ANKRD36B: variants seen among roughly 807,000 people sequenced by gnomAD.
ANKRD36B encodes ankyrin repeat domain 36B, also known as ankyrin repeat domain-containing protein 36B.
In ANKRD36B, 37 loss-of-function variants were observed where a neutral mutation model predicts 135.7. The ratio of observed to expected loss-of-function variants is 0.27; its 90% CI spans 0.21 to 0.36. The LOEUF (loss-of-function observed/expected upper bound fraction) is 0.36. Ranked by LOEUF, ANKRD36B falls within the 10% of genes least tolerant of loss-of-function variation. ANKRD36B has a pLI of 1.00. For synonymous variants in ANKRD36B, 179 were observed against 348.1 expected (o/e 0.51, Z 5.41); for missense variants, 549 against 1,037.1 (o/e 0.53, Z 6.46).
intron 35 of ANKRD36B, among the ~76,000 whole-genome samples, chr2:97,527,671 A>G (rs2078295058): frequency 1.0e-5 from 1 of 96,022 alleles, no homozygotes; most frequent in South Asian, 2.4e-4. Context: ...TCTCACATGC[A>G]GAGACACACA....
rs574440722 is a variant in ANKRD36B at position 97,558,857 on chromosome 2, C to G, written c.909G>C (p.Glu303Asp). The change falls in exon 10 of 44, where the codon GAG (glutamate) becomes GAC (aspartate). Residue 303 changes from glutamate (E) to aspartate (D), a missense_variant. Glu to Asp is a conservative substitution (Grantham distance 45, BLOSUM62 2). Coordinates refer to ENST00000359901, the MANE Select transcript of ANKRD36B (RefSeq NM_001393939.1). ...KQPAEKATSD[E>D]KDSVSNIATE... ...TGGCTATATTTGAAACAGAATCTTT[C>G]TCGTCACTTGTAGCCTGAATGGGAT... 16 of 1,611,250 alleles carry G rather than the reference C, an allele frequency of 9.9e-6. No individual in the cohort carries two copies. The highest frequency in any genetic ancestry group is 6.7e-5 in the East Asian group (3 of 44,818).
At chr2:97,547,954 T>A (rs914484373) in intron 20 of ANKRD36B, among the ~76,000 whole-genome samples, 1 of 151,780 alleles carries the variant, frequency 6.6e-6, no homozygotes, top group African/African-American at 2.4e-5. Flanking sequence ...CAGGGTATGA[T>A]TTGTTATATG....
chr2:97,515,006 T>C lies in ANKRD36B; in HGVS notation c.2621+726A>G, dbSNP rs1823322. ...GCAACCTCTGCCTCCCAGTTTCATGTGATTCTCCTGCCTCAGCCTCCTGCG... is the reference window on the plus strand; with the variant it reads ...GCAACCTCTGCCTCCCAGTTTCATGCGATTCTCCTGCCTCAGCCTCCTGCG... On this transcript the variant is annotated intron_variant, in intron 37 of 43. Coordinates refer to ENST00000359901, the MANE Select transcript of ANKRD36B (RefSeq NM_001393939.1). 2.7e-3 allele frequency among the ~76,000 whole-genome samples: 216 copies of C among 78,648 alleles called. 2 individuals are homozygous for C. Among genetic ancestry groups the C allele is most frequent in the African/African-American group, 4.7e-3 (116 of 24,712 alleles). The allele number at this position is 78,648 out of a possible 152,430, so 51.6% of individuals were successfully genotyped here.
chr2:97,572,672 C>T (rs2081958828), intron 6 of ANKRD36B, among the ~76,000 whole-genome samples: 1 of 150,030 alleles, frequency 6.7e-6, no homozygotes, highest in East Asian at 1.9e-4. Context: ...AAAAGAAAAT[C>T]CTATATAGTT....
At chr2:97,561,968 T>G (rs1336562451) in intron 6 of ANKRD36B, among the ~76,000 whole-genome samples, 1 of 147,944 alleles carries the variant, frequency 6.8e-6, no homozygotes, top group Non-Finnish European at 1.5e-5. Context: ...AAATCATCCC[T>G]CATGCAAATA....
Position 97,531,462 on chromosome 2 carries a change from C to T in ANKRD36B, c.2265+849G>A, listed in dbSNP as rs185498088. ...AGGAGGTATACCTAATGCTAAATGA[C>T]GAGTTAATGGGTGCAGCGTACCAGC... On this transcript the variant is annotated intron_variant, in intron 35 of 43. Coordinates refer to ENST00000359901, the MANE Select transcript of ANKRD36B (RefSeq NM_001393939.1). 2.1e-4 allele frequency among the ~76,000 whole-genome samples: 18 copies of T among 85,220 alleles called. 6 individuals carry two copies. The highest frequency in any genetic ancestry group is 3.7e-4 in the Non-Finnish European group (12 of 32,556). 55.9% of individuals were successfully genotyped at this position (85,220 alleles called of 152,430 possible).
rs1215243912 is a variant in ANKRD36B at position 97,539,855 on chromosome 2, G to T, written c.1987+179C>A. 6.4e-6 allele frequency: 2 copies of T among 310,130 alleles called. 1 individual carries two copies. The allele number at this position is 310,130 out of a possible 1,614,324, so 19.2% of individuals were successfully genotyped here. Reference sequence around the variant, plus strand: ...GGGAAGTCTATAATCTTACTTCGAAGATCACGTCCAAGACCAGCAGCATCA... The same window carrying T: ...GGGAAGTCTATAATCTTACTTCGAATATCACGTCCAAGACCAGCAGCATCA... On this transcript the variant is annotated intron_variant, in intron 30 of 43. Coordinates refer to ENST00000359901, the MANE Select transcript of ANKRD36B (RefSeq NM_001393939.1).
At chr2:97,570,725 A>G (rs1176151923) in intron 6 of ANKRD36B, among the ~76,000 whole-genome samples, 1 of 152,202 alleles carries the variant, frequency 6.6e-6, no homozygotes, top group African/African-American at 2.4e-5. Context: ...GACTTGCCAC[A>G]TGCCCCTTTG....
At chr2:97,546,877 CAA>C (rs1254547740) in intron 22 of ANKRD36B, among the ~76,000 whole-genome samples, 2 of 151,578 alleles carry the variant, frequency 1.3e-5, no homozygotes, top group Non-Finnish European at 3.0e-5. Flanking sequence ...CTCCTAGTAA[CAA>C]AGAGGAGTAA....
chr2:97,565,496 A>T (rs1305501946), intron 6 of ANKRD36B, among the ~76,000 whole-genome samples: 1 of 152,230 alleles, frequency 6.6e-6, no homozygotes, highest in Admixed American at 6.5e-5. Flanking sequence ...AACTTAAATA[A>T]ATTTACAAGA....
intron 22 of ANKRD36B, chr2:97,547,235 T>G (rs1255333830): frequency 9.5e-6 from 3 of 316,260 alleles, no homozygotes; most frequent in African/African-American, 6.6e-5. Flanking sequence ...CCACCCTTAC[T>G]GAAAACAAGC....
intron 6 of ANKRD36B, among the ~76,000 whole-genome samples, chr2:97,569,104 A>G (rs914094931): frequency 2.8e-4 from 43 of 152,080 alleles, no homozygotes; most frequent in Non-Finnish European, 4.6e-4. Flanking sequence ...ATCTCACAGA[A>G]AAGGATGATC....
chr2:97,589,651 G>C lies in ANKRD36B; in HGVS notation c.35C>G (p.Pro12Arg), dbSNP rs1358234846. The stretch of plus-strand genomic sequence containing the variant: ...ATGATACGGTTTAATGTAGTAATGG[G>C]GAAATGCGAAGCCATCCGAGCACAA... ...ERLCSDGFAF[P>R]HYYIKPYHLK... is the part of the protein sequence containing the mutation. Residue 12 changes from proline (P) to arginine (R), a missense_variant, in exon 1 of 44, where the codon CCC (proline) becomes CGC (arginine). Physicochemically the swap from Pro to Arg is moderately radical, Grantham distance 103. Coordinates refer to ENST00000359901, the MANE Select transcript of ANKRD36B (RefSeq NM_001393939.1). The C allele has an allele frequency of 6.2e-7, 1 of 1,614,070 alleles. No individual in the cohort carries two copies. The highest frequency in any genetic ancestry group is 2.2e-5 in the East Asian group (1 of 44,884).
At chr2:97,578,593 A>G (rs2082374270) in intron 5 of ANKRD36B, among the ~76,000 whole-genome samples, 1 of 152,028 alleles carries the variant, frequency 6.6e-6, no homozygotes, top group Non-Finnish European at 1.5e-5. Flanking sequence ...AAAATCAAAG[A>G]TGTGAAACTA....
rs529822044 is a variant in ANKRD36B, at chr2:97,542,976, T to A, written c.1783+814A>T. ...TAAAATAGTCTTGTTAGGAGTATCATGCTATTCTCTAAAGAATATTCATTA... is the reference window on the plus strand; with the variant it reads ...TAAAATAGTCTTGTTAGGAGTATCAAGCTATTCTCTAAAGAATATTCATTA... On this transcript the variant is annotated intron_variant, in intron 26 of 43. Transcript: ENST00000359901. 5.5e-5 allele frequency among the ~76,000 whole-genome samples: 8 copies of A among 146,504 alleles called. 1 individual carries two copies. Among genetic ancestry groups the A allele is most frequent in the African/African-American group, 2.0e-4 (8 of 40,640 alleles).
chr2:97,549,074 G>T (rs556266377), intron 20 of ANKRD36B, among the ~76,000 whole-genome samples: 1 of 151,790 alleles, frequency 6.6e-6, no homozygotes, highest in Admixed American at 6.6e-5. Flanking sequence ...CTGTAAAATC[G>T]ATACTTCCTC....
At chr2:97,562,508 T>C (rs1456706104) in intron 6 of ANKRD36B, among the ~76,000 whole-genome samples, 1 of 152,104 alleles carries the variant, frequency 6.6e-6, no homozygotes, top group Admixed American at 6.6e-5. Flanking sequence ...ACCCTGTGGG[T>C]TACCCTCATC....
intron 1 of ANKRD36B, among the ~76,000 whole-genome samples, chr2:97,587,917 C>T (rs1306030583): frequency 2.0e-5 from 3 of 151,866 alleles, no homozygotes; most frequent in Admixed American, 1.3e-4. Flanking sequence ...AAAATAAATG[C>T]TTTGCTCTAT....
chr2:97,513,088 T>A (rs2077615072), intron 38 of ANKRD36B, 92 bp downstream of exon 38: 3 of 1,366,954 alleles, frequency 2.2e-6, no homozygotes, highest in Non-Finnish European at 2.8e-6. Context: ...TGGGGATTGT[T>A]CAGGCCTAAA....
Sources: allele counts gnomAD v4.1 joint callset (sites outside exome capture counted in the v4.1 genomes callset), GRCh38; gene constraint gnomAD v4.1.1; transcripts MANE v1.5; gene names NCBI Gene and HGNC (gene_info 2026-07-23, HGNC 2026-07-21).